Variants in MAP3K5 observed in about 807,000 individuals in gnomAD.
MAP3K5 encodes ASK-1.
MAP3K5 carries 56 observed loss-of-function variants against 158.7 expected under a neutral mutation model. That is an observed-to-expected ratio of 0.35 (90% CI 0.28 to 0.44). MAP3K5 has a LOEUF of 0.44. MAP3K5 is among the 20% of genes least tolerant of loss of function. MAP3K5 has a pLI of 1.00. For synonymous variants in MAP3K5, 579 were observed against 601.7 expected (o/e 0.96, Z 0.55); for missense variants, 1,294 against 1,674.8 (o/e 0.77, Z 3.97).
intron 2 of MAP3K5, among the ~76,000 whole-genome samples, chr6:136,705,521 G>T (rs1457999881): frequency 6.6e-6 from 1 of 152,002 alleles, no homozygotes; most frequent in Non-Finnish European, 1.5e-5. Flanking sequence ...GCTCAGGTTG[G>T]TCTCCAACTC....
intron 1 of MAP3K5, among the ~76,000 whole-genome samples, chr6:136,742,508 G>A (rs1435059520): frequency 6.6e-6 from 1 of 150,478 alleles, no homozygotes; most frequent in African/African-American, 2.4e-5. Flanking sequence ...TAACTCAAAT[G>A]GATCATAGTT....
chr6:136,658,466 G>A (rs1356747323), intron 9 of MAP3K5, among the ~76,000 whole-genome samples: 2 of 151,244 alleles, frequency 1.3e-5, no homozygotes, highest in African/African-American at 2.4e-5. Context: ...AGGCACCCGC[G>A]ATCATGCCCA....
chr6:136,714,158 T>A (rs1012337831), intron 2 of MAP3K5, among the ~76,000 whole-genome samples: 9 of 152,202 alleles, frequency 5.9e-5, no homozygotes, highest in African/African-American at 2.2e-4. Flanking sequence ...GTTTTTTGTT[T>A]GTAAAAACAA....
intron 1 of MAP3K5, among the ~76,000 whole-genome samples, chr6:136,750,940 C>T (rs911991797): frequency 6.6e-6 from 1 of 152,218 alleles, no homozygotes; most frequent in African/African-American, 2.4e-5. Flanking sequence ...AACTTTTCAA[C>T]TCAGCTCATC....
intron 1 of MAP3K5, among the ~76,000 whole-genome samples, chr6:136,723,840 C>T (rs1038938677): frequency 2.6e-5 from 4 of 152,082 alleles, no homozygotes; most frequent in African/African-American, 9.7e-5. Context: ...TTTCCCCCCT[C>T]AAGGCTAAAA....
chr6:136,606,581 C>T (rs1776111364), intron 18 of MAP3K5, among the ~76,000 whole-genome samples: 1 of 152,116 alleles, frequency 6.6e-6, no homozygotes. Context: ...AAAGTGGTTT[C>T]CTAAAGTCTA....
chr6:136,568,857 CAAAAAAAAA>C (rs60185973), intron 25 of MAP3K5, among the ~76,000 whole-genome samples: 1 of 45,944 alleles, frequency 2.2e-5, no homozygotes, highest in Non-Finnish European at 4.2e-5. Flanking sequence ...GAGTCTGTCT[CAAAAAAAAA>C]AAAAAAAAAA....
chr6:136,701,976 T>C (rs1780872328), intron 3 of MAP3K5, among the ~76,000 whole-genome samples: 2 of 152,184 alleles, frequency 1.3e-5, no homozygotes, highest in African/African-American at 2.4e-5. Context: ...GACTATCAGA[T>C]GTCTGGGTGT....
At chr6:136,685,226 G>A (rs1419323227) in intron 7 of MAP3K5, among the ~76,000 whole-genome samples, 1 of 152,116 alleles carries the variant, frequency 6.6e-6, no homozygotes, top group Non-Finnish European at 1.5e-5. Flanking sequence ...GCTGAGACAG[G>A]AGGATTGCTT....
rs930842084 is a variant in MAP3K5 at position 136,616,768 on chromosome 6, A to G, written c.2151-2482T>C. 2.6e-5 allele frequency among the ~76,000 whole-genome samples: 4 copies of G among 151,290 alleles called. No homozygotes were observed. The East Asian group carries it at 7.9e-4, about 30-fold the overall frequency. On this transcript the variant is annotated intron_variant, in intron 15 of 29. Coordinates refer to ENST00000359015, the MANE Select transcript of MAP3K5 (RefSeq NM_005923.4). ...ATTTGAGACAGGGTCTCTCTCTGTC[A>G]CCCAGGCTGGAATGCAGTGGCACGA... is the stretch of plus-strand genomic sequence containing the variant.
At chr6:136,787,147 G>A (rs1377580890) in intron 1 of MAP3K5, among the ~76,000 whole-genome samples, 2 of 152,144 alleles carry the variant, frequency 1.3e-5, no homozygotes, top group East Asian at 3.8e-4. Flanking sequence ...AGGATAGCTT[G>A]AGCCCAGGAA....
intron 19 of MAP3K5, among the ~76,000 whole-genome samples, chr6:136,603,332 C>G (rs1583255953): frequency 6.6e-6 from 1 of 151,142 alleles, no homozygotes; most frequent in African/African-American, 2.4e-5. Flanking sequence ...GCCACTGTGC[C>G]CCCCTAATTT....
chr6:136,577,588 C>T (rs895949959), intron 25 of MAP3K5, among the ~76,000 whole-genome samples: 1 of 152,218 alleles, frequency 6.6e-6, no homozygotes, highest in African/African-American at 2.4e-5. Flanking sequence ...GTGTCCATCC[C>T]TGGGACACTC....
upstream of MAP3K5, among the ~76,000 whole-genome samples, chr6:136,792,784 A>G (rs1785148129): frequency 6.6e-6 from 1 of 151,870 alleles, no homozygotes; most frequent in Non-Finnish European, 1.5e-5. This position sits in a 1 kb window ranked among gnomAD's most constrained non-coding sequence, Gnocchi z 5.7. Context: ...TTCTCTTTCG[A>G]TCGCCTCCGC....
intron 25 of MAP3K5, 90 bp from the exon 26 acceptor site, chr6:136,567,964 C>A (rs899638791): frequency 1.5e-6 from 2 of 1,348,062 alleles, no homozygotes; most frequent in Non-Finnish European, 2.0e-6. Context: ...CCTGCCCCAC[C>A]GTCAATAAGA....
intron 2 of MAP3K5, among the ~76,000 whole-genome samples, chr6:136,716,749 A>G (rs1007480195): frequency 6.6e-6 from 1 of 152,258 alleles, no homozygotes; most frequent in African/African-American, 2.4e-5. Flanking sequence ...TTTTAAACCA[A>G]TGTAAATATT....
intron 2 of MAP3K5, among the ~76,000 whole-genome samples, chr6:136,715,347 T>G (rs1300479305): frequency 6.6e-6 from 1 of 152,212 alleles, no homozygotes; most frequent in East Asian, 1.9e-4. Flanking sequence ...TATAGCAACC[T>G]TTTCCTTTTT....
intron 25 of MAP3K5, among the ~76,000 whole-genome samples, chr6:136,570,210 A>T (rs755240919): frequency 2.0e-5 from 3 of 152,174 alleles, no homozygotes; most frequent in Non-Finnish European, 4.4e-5. Context: ...AGGTCACCAA[A>T]GGCCTGCCAG....
chr6:136,592,050 T>G, intron 23 of MAP3K5, 123 bp downstream of exon 23: 1 of 764,630 alleles, frequency 1.3e-6, no homozygotes, highest in Non-Finnish European at 2.0e-6. Flanking sequence ...GTGGGGTAGG[T>G]TTATCATGAT....
Sources: gnomAD v4.1 joint callset for allele counts (sites outside exome capture counted in the v4.1 genomes callset) on GRCh38, gnomAD v4.1.1 for gene constraint, Gnocchi (gnomAD v3.1) non-coding constraint, MANE v1.5 for transcripts, NCBI Gene and HGNC (gene_info 2026-07-23, HGNC 2026-07-21) for gene names.